BCL2L11: variants seen among roughly 807,000 people sequenced by gnomAD.
The protein encoded by BCL2L11 is BCL2 like 11, also known as bcl-2-like protein 11.
A neutral mutation model predicts 20.6 loss-of-function variants in BCL2L11; 15 were observed. The observed-to-expected ratio is 0.73, with a 90% CI of 0.49 to 1.12. The LOEUF (loss-of-function observed/expected upper bound fraction) is 1.12. Ranked by LOEUF, BCL2L11 falls within the 50% of genes most tolerant of loss-of-function variation. The pLI, the probability that BCL2L11 is intolerant of heterozygous loss-of-function variation, is 0.00. For missense variants in BCL2L11, 292 were observed against 260.9 expected (o/e 1.12, Z -0.82); for synonymous variants, 108 against 92.8 (o/e 1.16, Z -0.94).
intron 2 of BCL2L11, chr2:111,142,481 G>T: frequency 1.0e-6 from 1 of 969,202 alleles, no homozygotes; most frequent in Non-Finnish European, 1.6e-6. Flanking sequence ...TTATGTCTTA[G>T]CCCTACAGTG....
At chr2:111,147,450 C>T (rs760854873) in intron 2 of BCL2L11, among the ~76,000 whole-genome samples, 24 of 151,978 alleles carry the variant, frequency 1.6e-4, no homozygotes, top group Non-Finnish European at 2.1e-4. Flanking sequence ...TTTATTTAGG[C>T]TAATTAATGT....
At chr2:111,145,934 T>C in intron 2 of BCL2L11, 13 of 948,914 alleles carry the variant, frequency 1.4e-5, no homozygotes, top group Non-Finnish European at 1.6e-5. Flanking sequence ...TTTTTTTTTT[T>C]TTTTTTGTAA....
At chr2:111,134,198 T>C (rs1050647860) in intron 2 of BCL2L11, among the ~76,000 whole-genome samples, 4 of 152,064 alleles carry the variant, frequency 2.6e-5, no homozygotes, top group African/African-American at 9.7e-5. Context: ...CTTTTTGTTA[T>C]TTGTTTTTTG....
chr2:111,134,327 T>C (rs931373410), intron 2 of BCL2L11, among the ~76,000 whole-genome samples: 1 of 152,186 alleles, frequency 6.6e-6, no homozygotes, highest in Non-Finnish European at 1.5e-5. Flanking sequence ...CTCTGTATCA[T>C]TTTCTTAGTG....
At chr2:111,126,564 G>A (rs1574908420) in intron 2 of BCL2L11, among the ~76,000 whole-genome samples, 1 of 152,006 alleles carries the variant, frequency 6.6e-6, no homozygotes, top group Admixed American at 6.5e-5. Flanking sequence ...TTAGCCAGAT[G>A]TGAGTTTCTT....
chr2:111,157,643 G>T (rs1220969048), intron 3 of BCL2L11, among the ~76,000 whole-genome samples: 4 of 152,190 alleles, frequency 2.6e-5, no homozygotes, highest in African/African-American at 9.7e-5. Context: ...ACCAAGTGGA[G>T]GGCTGTGCTG....
At chr2:111,151,918 G>C in intron 3 of BCL2L11, 1 of 1,507,770 alleles carries the variant, frequency 6.6e-7, no homozygotes, top group African/African-American at 1.4e-5. Flanking sequence ...ACTTTGGTTG[G>C]TTTTATAACT....
At chr2:111,123,226 A>G (rs1443553997) in intron 1 of BCL2L11, 3 of 985,446 alleles carry the variant, frequency 3.0e-6, no homozygotes, top group East Asian at 1.1e-4. Context: ...CGCACTTACT[A>G]CGACTGACGG....
At position 111,123,959 on chromosome 2, in the gene BCL2L11, C is replaced by T. The variant is rs774211082; in HGVS notation, c.214C>T (p.Pro72Ser). 9 of 1,614,112 alleles carry T rather than the reference C, an allele frequency of 5.6e-6. No individual in the cohort carries two copies. The East Asian group carries it at 1.3e-4, about 24-fold the overall frequency. ...GCTGGCCCCACCTGCCAGCCCTGGC[C>T]CTTTTGCTACCAGATCCCCGCTTTT... Reference protein sequence around the residue: ...GPLAPPASPGPFATRSPLFIF... With the variant: ...GPLAPPASPGSFATRSPLFIF... Residue 72 changes from proline (P) to serine (S), a missense_variant, in exon 2 of 4, where the codon CCT becomes TCT. Pro to Ser is a moderately conservative substitution (Grantham distance 74, BLOSUM62 -1). Transcript: ENST00000393256.
chr2:111,121,576 G>A (rs1353470142), intron 1 of BCL2L11, among the ~76,000 whole-genome samples: 4 of 152,236 alleles, frequency 2.6e-5, no homozygotes, highest in Non-Finnish European at 5.9e-5. Context: ...CTCGCCGCCG[G>A]CTCCGGCGCC....
intron 2 of BCL2L11, among the ~76,000 whole-genome samples, chr2:111,147,975 GTGTT>G (rs1437392396): frequency 1.3e-5 from 2 of 152,222 alleles, no homozygotes; most frequent in Non-Finnish European, 2.9e-5. Context: ...AGGCATGTGA[GTGTT>G]TGTGTTTGTT....
chr2:111,146,056 C>T, intron 2 of BCL2L11: 2 of 984,412 alleles, frequency 2.0e-6, no homozygotes, highest in Non-Finnish European at 2.4e-6. Context: ...GTCACTTTAC[C>T]TCAAGAGCAG....
intron 3 of BCL2L11, among the ~76,000 whole-genome samples, chr2:111,161,025 T>C (rs1026098163): frequency 2.6e-5 from 4 of 152,224 alleles, no homozygotes; most frequent in Non-Finnish European, 5.9e-5. Context: ...TCCAGACCTG[T>C]AGATGCTGTC....
intron 3 of BCL2L11, chr2:111,153,940 C>G (rs372772379): frequency 6.7e-7 from 1 of 1,484,172 alleles, no homozygotes; most frequent in East Asian, 2.6e-5. Context: ...CCCCTCTTCT[C>G]TCCCGATGCA....
At chr2:111,141,016 G>C (rs1260425930) in intron 2 of BCL2L11, among the ~76,000 whole-genome samples, 1 of 152,194 alleles carries the variant, frequency 6.6e-6, no homozygotes, top group African/African-American at 2.4e-5. Flanking sequence ...CTAGTGTGAG[G>C]TGTGGAGTAG....
rs2078926867 is a variant in BCL2L11, at chr2:111,164,419, T to C, written c.*188T>C. ...TTCTGTTCATCACCACACAGCAGAA[T>C]TTCTAATGGAAGTTTGTTGTGAATG... On this transcript the variant is annotated 3_prime_UTR_variant, in exon 4 of 4. Transcript: ENST00000393256. 3.9e-6 allele frequency: 2 copies of C among 511,728 alleles called. No individual in the cohort carries two copies. Among genetic ancestry groups the C allele is most frequent in the Non-Finnish European group, 7.1e-6 (2 of 283,652 alleles). The allele number at this position is 511,728 out of a possible 1,614,324, so 31.7% of individuals were successfully genotyped here. A position where few individuals can be genotyped will look rare whatever the true frequency, so the allele number is the denominator to read the frequency against.
At chr2:111,126,013 A>T (rs937195903) in intron 2 of BCL2L11, among the ~76,000 whole-genome samples, 3 of 152,108 alleles carry the variant, frequency 2.0e-5, no homozygotes, top group Admixed American at 6.5e-5. Flanking sequence ...GACCCTCTGG[A>T]AGGTATTAGC....
At chr2:111,122,081 A>G (rs942146912) in intron 1 of BCL2L11, among the ~76,000 whole-genome samples, 2 of 152,162 alleles carry the variant, frequency 1.3e-5, no homozygotes, top group African/African-American at 4.8e-5. Context: ...ATGGTCGCGG[A>G]CGTGCGCGTC....
intron 2 of BCL2L11, among the ~76,000 whole-genome samples, chr2:111,136,386 T>C (rs2074893694): frequency 6.6e-6 from 1 of 152,164 alleles, no homozygotes; most frequent in Non-Finnish European, 1.5e-5. Context: ...GTGTTCTCTC[T>C]AGGGTTGTCT....
Sources: gnomAD v4.1 joint callset for allele counts (sites outside exome capture counted in the v4.1 genomes callset) on GRCh38, gnomAD v4.1.1 for gene constraint, MANE v1.5 for transcripts, NCBI Gene and HGNC (gene_info 2026-07-23, HGNC 2026-07-21) for gene names.